The following ERC1 variants were observed in gnomAD, a reference collection of about 807,000 sequenced individuals.
The protein encoded by ERC1 is RAB6 interacting protein 2.
ERC1 carries 56 observed loss-of-function variants against 132.0 expected under a neutral mutation model. The ratio of observed to expected loss-of-function variants is 0.42; its 90% CI spans 0.34 to 0.53. ERC1 has a LOEUF of 0.53. ERC1 is among the 20% of genes least tolerant of loss of function. ERC1 has a pLI of 0.03. For missense variants in ERC1, 1,202 were observed against 1,349.9 expected (o/e 0.89, Z 1.72); for synonymous variants, 478 against 476.1 (o/e 1.00, Z -0.05).
chr12:1,111,714 G>A (rs893819074), intron 5 of ERC1, among the ~76,000 whole-genome samples: 1 of 151,710 alleles, frequency 6.6e-6, no homozygotes, highest in East Asian at 1.9e-4. Context: ...CGTCTCCAGG[G>A]TTCAAGCTTC....
At chr12:1,479,702 G>A (rs920965786) in intron 18 of ERC1, among the ~76,000 whole-genome samples, 2 of 152,146 alleles carry the variant, frequency 1.3e-5, no homozygotes, top group Admixed American at 6.5e-5. Flanking sequence ...AACCAAGGGA[G>A]GGGTTGGAAA....
intron 2 of ERC1, among the ~76,000 whole-genome samples, chr12:1,033,460 C>T (rs774512604): frequency 1.4e-4 from 21 of 151,588 alleles, no homozygotes; most frequent in African/African-American, 2.2e-4. Context: ...CATGAGCCAC[C>T]GCACCCAGCC....
At chr12:1,003,610 T>C (rs1962893433) in intron 1 of ERC1, among the ~76,000 whole-genome samples, 1 of 152,212 alleles carries the variant, frequency 6.6e-6, no homozygotes, top group Non-Finnish European at 1.5e-5. Context: ...ATAGGAGACG[T>C]CATTGTCTTT....
intron 7 of ERC1, among the ~76,000 whole-genome samples, chr12:1,139,138 T>C (rs748817947): frequency 2.6e-5 from 4 of 152,228 alleles, no homozygotes; most frequent in Non-Finnish European, 5.9e-5. Flanking sequence ...TCTGAAAATA[T>C]TAAATGGAAA....
intron 1 of ERC1, among the ~76,000 whole-genome samples, chr12:1,017,889 G>C (rs1296518052): frequency 6.6e-6 from 1 of 152,180 alleles, no homozygotes; most frequent in Non-Finnish European, 1.5e-5. Context: ...CTCTGACATA[G>C]AGTTTAATAG....
intron 1 of ERC1, among the ~76,000 whole-genome samples, chr12:1,025,867 C>T (rs1391114531): frequency 2.0e-5 from 3 of 147,654 alleles, no homozygotes; most frequent in African/African-American, 7.6e-5. Flanking sequence ...GGCGCGATCT[C>T]GGCTCACTGC....
intron 15 of ERC1, among the ~76,000 whole-genome samples, chr12:1,349,575 A>G (rs534589615): frequency 2.0e-5 from 3 of 151,812 alleles, no homozygotes; most frequent in Non-Finnish European, 2.9e-5. Context: ...GAGGCAGGTG[A>G]ATCGCTTGAA....
At chr12:1,266,657 G>A (rs1437941640) in intron 14 of ERC1, among the ~76,000 whole-genome samples, 3 of 151,834 alleles carry the variant, frequency 2.0e-5, no homozygotes, top group East Asian at 1.9e-4. Flanking sequence ...CGCCCGCCTC[G>A]GCCTCTGAAA....
In ERC1 at chr12:1,311,668, A is replaced by G. The variant is rs149278812; in HGVS notation, c.2780+21656A>G. 3.1e-3 allele frequency among the ~76,000 whole-genome samples: 478 copies of G among 152,278 alleles called. 5 individuals are homozygous for G. Among genetic ancestry groups the G allele is most frequent in the African/African-American group, 0.011 (462 of 41,564 alleles). On this transcript the variant is annotated intron_variant, in intron 15 of 18. Coordinates refer to ENST00000360905, the MANE Select transcript of ERC1 (RefSeq NM_178040.4). ...ACTACCAACTTATTTTAGACCAGAA[A>G]TTCTTGGAAATGGTACCGATCCAGT... is the stretch of plus-strand genomic sequence containing the variant.
At chr12:1,334,036 G>A (rs780912220) in intron 15 of ERC1, among the ~76,000 whole-genome samples, 1 of 152,108 alleles carries the variant, frequency 6.6e-6, no homozygotes, top group African/African-American at 2.4e-5. Context: ...TCTTGGCCAC[G>A]TGTTATGTCT....
chr12:1,265,362 GA>G (rs1247660233), intron 14 of ERC1, among the ~76,000 whole-genome samples: 1 of 152,042 alleles, frequency 6.6e-6, no homozygotes, highest in Non-Finnish European at 1.5e-5. Context: ...TTTCCTTTTT[GA>G]GGCTATTGTG....
intron 15 of ERC1, among the ~76,000 whole-genome samples, chr12:1,361,809 T>C (rs2086153771): frequency 6.6e-6 from 1 of 152,156 alleles, no homozygotes; most frequent in Non-Finnish European, 1.5e-5. Context: ...CAGTATGGGA[T>C]GAAACTAGCA....
intron 1 of ERC1, among the ~76,000 whole-genome samples, chr12:1,000,343 G>T (rs1207214530): frequency 1.3e-5 from 2 of 151,984 alleles, no homozygotes; most frequent in Non-Finnish European, 2.9e-5. Flanking sequence ...AAAATTAGCT[G>T]GGTGTGGTGG....
chr12:1,238,880 A>G lies in ERC1; in HGVS notation c.2487+1976A>G, dbSNP rs1157447772. Among the ~76,000 whole-genome samples the G allele has an allele frequency of 3.3e-5, 5 of 152,146 alleles. No individual in the cohort carries two copies. The East Asian group carries it at 5.8e-4, about 18-fold the overall frequency. On this transcript the variant is annotated intron_variant, in intron 13 of 18. Transcript: ENST00000360905. Reference sequence around the variant, plus strand: ...AGATTATATTATTTATATTTTACCTATAGGGAAAACTAATTTAGAGTGGAT... The same window carrying G: ...AGATTATATTATTTATATTTTACCTGTAGGGAAAACTAATTTAGAGTGGAT...
chr12:1,195,789 C>T lies in ERC1; in HGVS notation c.2351+5737C>T, dbSNP rs116231940. On this transcript the variant is annotated intron_variant, in intron 12 of 18. Transcript: ENST00000360905. ...CTTGTTATGTGAGATAGGACAATTT[C>T]TGATTGTTTAAGCCAGTTTGAATGA... Among the ~76,000 whole-genome samples, 1,431 of 145,206 alleles carry T rather than the reference C, an allele frequency of 9.9e-3. 25 individuals carry two copies. Among genetic ancestry groups the T allele is most frequent in the African/African-American group, 0.032 (1,295 of 40,520 alleles).
At chr12:1,222,251 A>G (rs986669486) in intron 12 of ERC1, among the ~76,000 whole-genome samples, 7 of 146,568 alleles carry the variant, frequency 4.8e-5, no homozygotes, top group East Asian at 2.0e-4. Flanking sequence ...TTTTGAGGAG[A>G]CAGGGTCTCG....
chr12:1,113,285 G>T (rs1436624121), intron 6 of ERC1, among the ~76,000 whole-genome samples: 3 of 152,118 alleles, frequency 2.0e-5, no homozygotes, highest in Non-Finnish European at 2.9e-5. Context: ...GCTAACACTT[G>T]CACACTTACT....
chr12:1,149,431 CTG>C (rs1312765105), intron 8 of ERC1, among the ~76,000 whole-genome samples: 2 of 152,178 alleles, frequency 1.3e-5, no homozygotes, highest in African/African-American at 4.8e-5. Flanking sequence ...CAGGGTCTCA[CTG>C]TGTTGCCCAG....
At chr12:1,007,441 A>G (rs1963837386) in intron 1 of ERC1, among the ~76,000 whole-genome samples, 1 of 150,314 alleles carries the variant, frequency 6.7e-6, no homozygotes, top group African/African-American at 2.5e-5. Context: ...TAAAAGCTTT[A>G]ACAGGACTGG....
Sources: gnomAD v4.1 joint callset for allele counts (sites outside exome capture counted in the v4.1 genomes callset) on GRCh38, gnomAD v4.1.1 for gene constraint, MANE v1.5 for transcripts, NCBI Gene and HGNC (gene_info 2026-07-23, HGNC 2026-07-21) for gene names.